The following ZNF821 variants were observed in gnomAD, a reference collection of about 807,000 sequenced individuals.
ZNF821 encodes the protein zinc finger protein 821.
A neutral mutation model predicts 44.3 loss-of-function variants in ZNF821; 16 were observed. That is an observed-to-expected ratio of 0.36 (90% CI 0.24 to 0.55). The LOEUF (loss-of-function observed/expected upper bound fraction) is 0.55. Among genes scored for constraint, ZNF821 ranks in the 20% least tolerant of loss-of-function variants. The pLI, the probability that ZNF821 is intolerant of heterozygous loss-of-function variation, is 0.86. For missense variants in ZNF821, 436 were observed against 547.6 expected, an observed-to-expected ratio of 0.80 and a Z score of 2.03; for synonymous variants, 204 against 197.6, an observed-to-expected ratio of 1.03 and a Z score of -0.27.
intron 3 of ZNF821, among the ~76,000 whole-genome samples, chr16:71,870,922 A>C (rs1442568531): frequency 1.3e-5 from 2 of 152,226 alleles, no homozygotes; most frequent in East Asian, 3.8e-4. Context: ...CATCAGTGAT[A>C]CTTCTGGTCT....
At chr16:71,892,252 A>G (rs989216693) in intron 1 of ZNF821, among the ~76,000 whole-genome samples, 10 of 140,150 alleles carry the variant, frequency 7.1e-5, no homozygotes, top group Non-Finnish European at 1.5e-5. Flanking sequence ...GTGGGGCTCA[A>G]TGATACTTTT....
Position 71,864,233 on chromosome 16 carries a change from T to C in ZNF821, c.322A>G (p.Asn108Asp), listed in dbSNP as rs1163903163. Residue 108 changes from asparagine (N) to aspartate (D), a missense_variant, in exon 6 of 8, where the codon AAT becomes GAT. By Grantham distance (23) the Asn-to-Asp change is conservative. Coordinates refer to ENST00000425432, the MANE Select transcript of ZNF821 (RefSeq NM_001201552.2). ...NEVVEHEVTG[N>D]LNSDPLLELC... ...TCAAGCAAGGGGTCAGAATTCAAAT[T>C]CCCTGTGACCTGTGATTCAACAAAT... 3 of 1,614,020 alleles carry C rather than the reference T, an allele frequency of 1.9e-6. No individual in the cohort carries two copies. The highest frequency in any genetic ancestry group is 1.7e-6 in the Non-Finnish European group (2 of 1,179,990).
chr16:71,882,940 A>G (rs1300155780), intron 2 of ZNF821, among the ~76,000 whole-genome samples: 1 of 152,206 alleles, frequency 6.6e-6, no homozygotes, highest in African/African-American at 2.4e-5. Context: ...AACCAAACCA[A>G]AAATGTAAAT....
chr16:71,868,453 G>C (rs1319529506), intron 3 of ZNF821, among the ~76,000 whole-genome samples: 2 of 152,198 alleles, frequency 1.3e-5, no homozygotes, highest in Non-Finnish European at 1.5e-5. Context: ...TAGCATTATG[G>C]TCTTGACTCA....
intron 3 of ZNF821, among the ~76,000 whole-genome samples, chr16:71,878,443 G>A (rs2036083248): frequency 6.6e-6 from 1 of 151,816 alleles, no homozygotes; most frequent in South Asian, 2.1e-4. Context: ...ACGAACATTT[G>A]GGTGGGAACG....
intron 3 of ZNF821, among the ~76,000 whole-genome samples, chr16:71,868,908 C>T (rs865987962): frequency 2.1e-4 from 32 of 152,058 alleles, no homozygotes; most frequent in Admixed American, 1.4e-3. Context: ...ATGATCCGCC[C>T]GCCTCGGCCT....
At chr16:71,878,027 A>G (rs2036021970) in intron 3 of ZNF821, among the ~76,000 whole-genome samples, 1 of 148,824 alleles carries the variant, frequency 6.7e-6, no homozygotes, top group Non-Finnish European at 1.5e-5. Context: ...GTTTTTTACA[A>G]ACTTTTCATC....
chr16:71,894,960 G>A (rs1237126059), exon 1 of ZNF821: 3 of 854,762 alleles, frequency 3.5e-6, no homozygotes, highest in South Asian at 3.0e-5. Flanking sequence ...CACACAGACC[G>A]GAGCGATGCT....
chr16:71,890,719 G>A (rs2036880516), intron 1 of ZNF821: 1 of 148,060 alleles, frequency 6.8e-6, no homozygotes. Flanking sequence ...GGATTTGTGG[G>A]CAACATAAAG....
exon 1 of ZNF821, chr16:71,895,182 T>C (rs2036936375): frequency 8.9e-6 from 2 of 224,438 alleles, no homozygotes; most frequent in African/African-American, 2.3e-5. Context: ...CAGCCGGTTA[T>C]GGAAGAATCC....
At chr16:71,862,024 T>G in intron 6 of ZNF821, 82 bp from the exon 7 acceptor site, 1 of 1,509,298 alleles carries the variant, frequency 6.6e-7, no homozygotes, top group Non-Finnish European at 9.1e-7. Flanking sequence ...TTTTGGGAAA[T>G]GTCCCCTTTC....
At chr16:71,883,373 G>A (rs1315525384) in intron 1 of ZNF821, 100 bp from the exon 2 acceptor site, 1 of 362,834 alleles carries the variant, frequency 2.8e-6, no homozygotes, top group Non-Finnish European at 5.4e-6. Context: ...CAGCCGAGAT[G>A]GTCCCTCTGC....
chr16:71,873,366 G>A (rs2035433952), intron 3 of ZNF821, among the ~76,000 whole-genome samples: 1 of 151,744 alleles, frequency 6.6e-6, no homozygotes, highest in Admixed American at 6.6e-5. Flanking sequence ...TGGGGAAGGA[G>A]GTAGGGAGAA....
Position 71,864,931 on chromosome 16 carries a change from A to C in ZNF821, c.284T>G (p.Val95Gly). The C allele has an allele frequency of 6.2e-7, 1 of 1,614,146 alleles. No individual in the cohort carries two copies. Among genetic ancestry groups the C allele is most frequent in the East Asian group, 2.2e-5 (1 of 44,878 alleles). ...GTGCTCTACCACTTCGTTCCCACCAACAGGCTGTTCTGTATTTTCTAACTC... is the reference window on the plus strand; with the variant it reads ...GTGCTCTACCACTTCGTTCCCACCACCAGGCTGTTCTGTATTTTCTAACTC... ...EKELENTEQP[V>G]GGNEVVEHEV... Residue 95 changes from valine (V) to glycine (G), a missense_variant, in exon 5 of 8, where the codon GTT becomes GGT. Coordinates refer to ENST00000425432, the MANE Select transcript of ZNF821 (RefSeq NM_001201552.2).
In ZNF821 at chr16:71,864,160, T is replaced by G; in HGVS notation, c.395A>C (p.Gln132Pro). The G allele has an allele frequency of 6.2e-7, 1 of 1,614,212 alleles. No individual in the cohort carries two copies. Among genetic ancestry groups the G allele is most frequent in the Non-Finnish European group, 8.5e-7 (1 of 1,180,042 alleles). ...LCQLDCGSRE[Q>P]LIAHVYQHTA... ...TACCTGGTACACGTGAGCAATCAAC[T>G]GCTCCCGGCTCCCGCAGTCTAGCTG... is the stretch of plus-strand genomic sequence containing the variant. The change falls in exon 6 of 8, where the codon CAG (glutamine) becomes CCG (proline). Residue 132 changes from glutamine to proline, a missense_variant. Physicochemically the swap from Gln to Pro is moderately conservative, Grantham distance 76 (BLOSUM62 -1). Transcript: ENST00000425432.
chr16:71,871,549 C>A lies in ZNF821; in HGVS notation c.41-3512G>T, dbSNP rs1198134293. 3.9e-5 allele frequency among the ~76,000 whole-genome samples: 6 copies of A among 152,258 alleles called. No individual in the cohort carries two copies. The East Asian group carries it at 1.2e-3, about 29-fold the overall frequency. On this transcript the variant is annotated intron_variant, in intron 3 of 7. Coordinates refer to ENST00000425432, the MANE Select transcript of ZNF821 (RefSeq NM_001201552.2). ...ACTGCCGTATAATGTCTAATGTGAT[C>A]TATGGAGATACTAGTGATTAAGAAG...
upstream of ZNF821, among the ~76,000 whole-genome samples, chr16:71,888,610 C>G (rs544416041): frequency 1.3e-5 from 2 of 152,092 alleles, no homozygotes; most frequent in Non-Finnish European, 2.9e-5. Flanking sequence ...TCTGGACTCT[C>G]AGTTCTATTC....
chr16:71,894,649 C>T lies in ZNF821; in HGVS notation n.448+240G>A, dbSNP rs541999009. The T allele has an allele frequency of 2.8e-5, 15 of 536,806 alleles. No homozygotes were observed. The South Asian group carries it at 3.1e-4, about 11-fold the overall frequency. 33.3% of individuals were successfully genotyped at this position (536,806 alleles called of 1,614,324 possible). The stretch of plus-strand genomic sequence containing the variant: ...CAAGCGATCTTCCTGCCTCAGCCTC[C>T]CGAGTAGCTGAGACCACAAGTGCTC... On this transcript the variant is annotated intron_variant and non_coding_transcript_variant, in intron 1 of 2. Transcript: ENST00000561700.
chr16:71,870,475 T>C (rs1031121582), intron 3 of ZNF821, among the ~76,000 whole-genome samples: 8 of 143,386 alleles, frequency 5.6e-5, no homozygotes, highest in Non-Finnish European at 1.2e-4. Flanking sequence ...CCAGGGCCAA[T>C]TGGTACTTTC....
Sources: allele counts gnomAD v4.1 joint callset (sites outside exome capture counted in the v4.1 genomes callset), GRCh38; gene constraint gnomAD v4.1.1; transcripts MANE v1.5; gene names NCBI Gene and HGNC (gene_info 2026-07-23, HGNC 2026-07-21).